Variants in RGPD2 observed in about 807,000 individuals in gnomAD.
RGPD2 encodes the protein RANBP2-like and GRIP domain-containing protein 2.
In RGPD2, 2 loss-of-function variants were observed where a neutral mutation model predicts 36.0. The ratio of observed to expected loss-of-function variants is 0.06; its 90% confidence interval spans 0.02 to 0.17. The LOEUF is 0.17. Ranked by LOEUF, RGPD2 falls within the 10% of genes least tolerant of loss-of-function variation. RGPD2 has a pLI of 1.00. For synonymous variants in RGPD2, 19 were observed against 163.8 expected (o/e 0.12, Z 6.75); for missense variants, 40 against 464.3 (o/e 0.09, Z 8.40).
At chr2:87,880,210 T>C in the RGPD2 span, among the ~76,000 whole-genome samples, 1 of 152,028 alleles carries the variant, frequency 6.6e-6, no homozygotes, top group Admixed American at 6.5e-5. Flanking sequence ...TTTTGGATAT[T>C]AGCCACTTAC....
the RGPD2 span, among the ~76,000 whole-genome samples, chr2:87,879,991 T>G: frequency 1.3e-5 from 1 of 74,756 alleles, no homozygotes; most frequent in African/African-American, 7.1e-5. Context: ...TTTTCACTTT[T>G]TGAAAATAGC....
the RGPD2 span, among the ~76,000 whole-genome samples, chr2:87,886,546 T>G: frequency 6.6e-6 from 1 of 151,792 alleles, no homozygotes; most frequent in South Asian, 2.1e-4. Flanking sequence ...CTCTCTAGTG[T>G]TGATATTCTG....
chr2:87,964,632 G>C, the RGPD2 span, among the ~76,000 whole-genome samples: 1 of 150,834 alleles, frequency 6.6e-6, no homozygotes, highest in Non-Finnish European at 1.5e-5. Context: ...TGGCAGGCCA[G>C]GTCTCACTAA....
At chr2:87,973,237 C>T in the RGPD2 span, among the ~76,000 whole-genome samples, 7 of 150,062 alleles carry the variant, frequency 4.7e-5, no homozygotes, top group African/African-American at 1.7e-4. Context: ...GGAGGGTGAG[C>T]CTGGGGCAGG....
At chr2:87,843,000 C>T in the RGPD2 span, among the ~76,000 whole-genome samples, 1 of 151,312 alleles carries the variant, frequency 6.6e-6, no homozygotes, top group Non-Finnish European at 1.5e-5. Flanking sequence ...GGAAAACTGG[C>T]TAGCCATATG....
At chr2:87,824,668 G>A (rs1199368197) in intron 1 of RGPD2, among the ~76,000 whole-genome samples, 1 of 144,644 alleles carries the variant, frequency 6.9e-6, no homozygotes, top group African/African-American at 2.5e-5. Context: ...TAAATTTGGG[G>A]GAAAAAAAAA....
the RGPD2 span, among the ~76,000 whole-genome samples, chr2:87,964,276 A>T: frequency 6.6e-6 from 1 of 152,248 alleles, no homozygotes; most frequent in Non-Finnish European, 1.5e-5. Context: ...TAACATTTTC[A>T]CCATGGCACT....
At chr2:87,769,788 A>T (rs1447646316) in intron 22 of RGPD2, among the ~76,000 whole-genome samples, 20 of 150,304 alleles carry the variant, frequency 1.3e-4, no homozygotes, top group African/African-American at 4.3e-4. Flanking sequence ...CTTGTTTTTT[A>T]TAGGGGCAGT....
chr2:87,809,028 G>A (rs754680952), intron 6 of RGPD2, among the ~76,000 whole-genome samples: 1,587 of 90,918 alleles, frequency 0.017, 7 homozygotes, highest in Non-Finnish European at 0.028. Flanking sequence ...GAGACCAGCC[G>A]GGCGCGGTGG....
At chr2:87,945,783 A>ATT in the RGPD2 span, among the ~76,000 whole-genome samples, 11 of 152,276 alleles carry the variant, frequency 7.2e-5, no homozygotes, top group South Asian at 2.3e-3. Context: ...TTTAATTTTT[A>ATT]TTTTTTTGTA....
intron 22 of RGPD2, among the ~76,000 whole-genome samples, chr2:87,760,738 C>A (rs1467688426): frequency 3.1e-5 from 1 of 31,772 alleles, no homozygotes; most frequent in Admixed American, 3.8e-4. Flanking sequence ...CTGCCTCAGT[C>A]TCCCGAGTAG....
chr2:87,921,659 C>T, the RGPD2 span, among the ~76,000 whole-genome samples: 1 of 152,168 alleles, frequency 6.6e-6, no homozygotes, highest in East Asian at 1.9e-4. Context: ...TTTATGTTCT[C>T]ATGCACATAA....
At chr2:87,957,241 G>GGA in the RGPD2 span, among the ~76,000 whole-genome samples, 1,524 of 142,126 alleles carry the variant, frequency 0.011, 41 homozygotes, top group Admixed American at 0.02. Flanking sequence ...GTCACTGGGG[G>GGA]GGGGCTCTCA....
At chr2:87,758,539 ATATTAGC>A (rs1475530081) in intron 22 of RGPD2, among the ~76,000 whole-genome samples, 1 of 109,778 alleles carries the variant, frequency 9.1e-6, no homozygotes, top group East Asian at 2.4e-4. Flanking sequence ...AGCAATGGTA[ATATTAGC>A]TACTGTGCCA....
chr2:87,781,469 T>G lies in RGPD2; in HGVS notation c.4900+655A>C, dbSNP rs1304724146. ...ATGGTTTTTTTTGTTTTTTTGTTTT[T>G]TTTTTTTTTTTTGGAGACAAAGTCT... On this transcript the variant is annotated intron_variant, in intron 20 of 22. Coordinates refer to ENST00000398146, the MANE Select transcript of RGPD2 (RefSeq NM_001078170.3). Among the ~76,000 whole-genome samples, 76 of 139,246 alleles carry G rather than the reference T, an allele frequency of 5.5e-4. 1 individual carries two copies. Among genetic ancestry groups the G allele is most frequent in the Non-Finnish European group, 8.9e-4 (57 of 63,994 alleles). 91.4% of individuals were successfully genotyped at this position (139,246 alleles called of 152,430 possible).
the RGPD2 span, among the ~76,000 whole-genome samples, chr2:87,944,777 T>C: frequency 4.0e-5 from 5 of 126,272 alleles, 2 homozygotes; most frequent in African/African-American, 1.9e-4. Flanking sequence ...AATTGGTTTA[T>C]TATTATATTT....
At chr2:87,860,713 A>T in the RGPD2 span, among the ~76,000 whole-genome samples, 1 of 152,136 alleles carries the variant, frequency 6.6e-6, no homozygotes, top group Non-Finnish European at 1.5e-5. Context: ...GTAATGTGTG[A>T]TGTGCAAAGT....
the RGPD2 span, among the ~76,000 whole-genome samples, chr2:87,940,599 G>A: frequency 7.4e-6 from 1 of 134,406 alleles, no homozygotes; most frequent in African/African-American, 2.6e-5. Flanking sequence ...ATACAAACAA[G>A]CAACGGGAGT....
chr2:87,882,212 T>G, the RGPD2 span, among the ~76,000 whole-genome samples: 1 of 152,156 alleles, frequency 6.6e-6, no homozygotes, highest in Non-Finnish European at 1.5e-5. Context: ...TCTGTTTTAC[T>G]CTAGTAATTT....
Sources: gnomAD v4.1 joint callset for allele counts (sites outside exome capture counted in the v4.1 genomes callset) on GRCh38, gnomAD v4.1.1 for gene constraint, MANE v1.5 for transcripts, NCBI Gene and HGNC (gene_info 2026-07-23, HGNC 2026-07-21) for gene names.